Variants in FIP1L1 observed in about 807,000 individuals in gnomAD.
FIP1L1 encodes the protein factor interacting with PAPOLA and CPSF1.
FIP1L1 carries 21 observed loss-of-function variants against 84.6 expected under a neutral mutation model. The observed-to-expected ratio is 0.25, with a 90% CI of 0.18 to 0.36. The LOEUF (loss-of-function observed/expected upper bound fraction) is 0.36, where lower values mean the gene tolerates loss of function less well. Ranked by LOEUF, FIP1L1 falls within the 10% of genes least tolerant of loss-of-function variation. The probability of loss-of-function intolerance (pLI) is 1.00; values close to 1 mark genes in which losing one functional copy is unlikely to be tolerated. For missense variants in FIP1L1, 526 were observed against 751.1 expected, an observed-to-expected ratio of 0.70 and a Z score of 3.50; for synonymous variants, 263 against 242.3, an observed-to-expected ratio of 1.09 and a Z score of -0.80.
intron 5 of FIP1L1, among the ~76,000 whole-genome samples, chr4:53,388,611 A>G (rs1343509233): frequency 6.6e-6 from 1 of 152,218 alleles, no homozygotes; most frequent in African/African-American, 2.4e-5. Context: ...CTGGGATTAC[A>G]GGCGTGAGCC....
In FIP1L1 at chr4:53,428,200, A is replaced by G. The variant is rs1765083315; in HGVS notation, c.1174+17A>G. 1.3e-6 allele frequency: 2 copies of G among 1,510,366 alleles called. No homozygotes were observed. The highest frequency in any genetic ancestry group is 1.8e-6 in the Non-Finnish European group (2 of 1,122,606). 93.6% of individuals were successfully genotyped at this position (1,510,366 alleles called of 1,614,324 possible). A position where few individuals can be genotyped will look rare whatever the true frequency, so the allele number is the denominator to read the frequency against. On this transcript the variant is annotated intron_variant, in intron 13 of 17. Coordinates refer to ENST00000337488, the MANE Select transcript of FIP1L1 (RefSeq NM_030917.4). Reference sequence around the variant, plus strand: ...CACCACCGGGTAAATAGTAAATAAGACATTTGACTTTGAAAGAAAAATAGC... The same window carrying G: ...CACCACCGGGTAAATAGTAAATAAGGCATTTGACTTTGAAAGAAAAATAGC...
intron 5 of FIP1L1, among the ~76,000 whole-genome samples, chr4:53,388,257 T>C (rs1249433765): frequency 6.6e-6 from 1 of 152,132 alleles, no homozygotes; most frequent in Non-Finnish European, 1.5e-5. Context: ...GCTGAAGTTC[T>C]GAGAGAAAAG....
In FIP1L1 at chr4:53,427,033, A is replaced by G. The variant is rs553687969; in HGVS notation, c.1018-994A>G. On this transcript the variant is annotated intron_variant, in intron 12 of 17. Coordinates refer to ENST00000337488, the MANE Select transcript of FIP1L1 (RefSeq NM_030917.4). ...GATCATGTAAAATATTCCTTTTAGC[A>G]TCTTTAAAGGCAAATCATTTCTATA... is the stretch of plus-strand genomic sequence containing the variant. 4.6e-5 allele frequency among the ~76,000 whole-genome samples: 7 copies of G among 152,246 alleles called. No individual in the cohort carries two copies. In the East Asian group the frequency reaches 9.6e-4, roughly 21 times the overall value.
At position 53,383,896 on chromosome 4, in the gene FIP1L1, GTAAC is replaced by G; in HGVS notation, c.332+21_332+24del. ...GTATGGGTAAGTTATTTTTTAGTAA[GTAAC>G]AATTGTGTAAATGCTATATAGTAAG... On this transcript the variant is annotated intron_variant, in intron 5 of 17. Coordinates refer to ENST00000337488, the MANE Select transcript of FIP1L1 (RefSeq NM_030917.4). 1 of 1,606,014 alleles carries G rather than the reference GTAAC, an allele frequency of 6.2e-7. No homozygotes were observed. Among genetic ancestry groups the G allele is most frequent in the Non-Finnish European group, 8.5e-7 (1 of 1,176,448 alleles).
intron 16 of FIP1L1, among the ~76,000 whole-genome samples, chr4:53,454,434 G>C (rs1212770916): frequency 6.6e-6 from 1 of 152,160 alleles, no homozygotes; most frequent in African/African-American, 2.4e-5. Context: ...ACTGACACTT[G>C]ACTGTATACA....
At chr4:53,379,011 T>C (rs903105593) in intron 1 of FIP1L1, 62 bp from the exon 2 acceptor site, 20 of 1,520,360 alleles carry the variant, frequency 1.3e-5, no homozygotes, top group African/African-American at 4.2e-5. Flanking sequence ...GATTTTTTTT[T>C]CCATAAAATA....
intron 16 of FIP1L1, among the ~76,000 whole-genome samples, chr4:53,455,969 G>C (rs1718700002): frequency 6.6e-6 from 1 of 152,064 alleles, no homozygotes; most frequent in Non-Finnish European, 1.5e-5. Flanking sequence ...TATATGATTT[G>C]TGTTTGCTTG....
At chr4:53,432,138 G>A (rs1170647796) in intron 13 of FIP1L1, among the ~76,000 whole-genome samples, 1 of 152,096 alleles carries the variant, frequency 6.6e-6, no homozygotes, top group African/African-American at 2.4e-5. Context: ...GCTCATACCT[G>A]TAATTTCAGC....
At chr4:53,458,815 A>T in intron 17 of FIP1L1, 25 bp downstream of exon 17, 1 of 1,603,596 alleles carries the variant, frequency 6.2e-7, no homozygotes, top group Non-Finnish European at 8.5e-7. Flanking sequence ...AAAATAGTGA[A>T]CCAATAGTAT....
intron 10 of FIP1L1, among the ~76,000 whole-genome samples, chr4:53,410,667 C>T (rs560740292): frequency 1.8e-4 from 28 of 151,944 alleles, no homozygotes; most frequent in Non-Finnish European, 2.4e-4. Flanking sequence ...AGAAATAAAA[C>T]GAGAAATGCC....
At chr4:53,416,242 T>C (rs1218978422) in intron 11 of FIP1L1, among the ~76,000 whole-genome samples, 1 of 152,210 alleles carries the variant, frequency 6.6e-6, no homozygotes, top group Non-Finnish European at 1.5e-5. Context: ...ATGGACAGCC[T>C]ATTTACTGAA....
chr4:53,459,738 C>A lies in FIP1L1; in HGVS notation c.*289C>A. On this transcript the variant is annotated 3_prime_UTR_variant, in exon 18 of 18. Coordinates refer to ENST00000337488, the MANE Select transcript of FIP1L1 (RefSeq NM_030917.4). ...AAGAGCTGTGTTAGCTGTGTACATA[C>A]ACAGATTATCTGAGAAAAGGTCAAG... The A allele has an allele frequency of 2.6e-6, 1 of 377,610 alleles. No homozygotes were observed. The highest frequency in any genetic ancestry group is 4.8e-6 in the Non-Finnish European group (1 of 207,360). 23.4% of individuals were successfully genotyped at this position (377,610 alleles called of 1,614,324 possible). A position where few individuals can be genotyped will look rare whatever the true frequency, so the allele number is the denominator to read the frequency against.
intron 1 of FIP1L1, chr4:53,378,732 A>C (rs575551549): frequency 8.0e-6 from 2 of 251,120 alleles, no homozygotes; most frequent in Admixed American, 5.3e-5. Flanking sequence ...TTGCTTGTTA[A>C]CACCAGATTT....
Position 53,419,117 on chromosome 4 carries a change from G to A in FIP1L1, c.923+4395G>A, listed in dbSNP as rs1428891399. Among the ~76,000 whole-genome samples, 7 of 152,118 alleles carry A rather than the reference G, an allele frequency of 4.6e-5. No homozygotes were observed. The South Asian group carries it at 1.5e-3, about 32-fold the overall frequency. On this transcript the variant is annotated intron_variant, in intron 11 of 17. Transcript: ENST00000337488. The stretch of plus-strand genomic sequence containing the variant: ...AAAGCATGAAATTAAGCATAAATAT[G>A]GAAGGTAGAGCTTTATTCCAAGCTC...
chr4:53,420,197 CAAAA>C (rs1166566869), intron 11 of FIP1L1, among the ~76,000 whole-genome samples: 4 of 17,544 alleles, frequency 2.3e-4, no homozygotes, highest in East Asian at 3.5e-3. Flanking sequence ...GACTCCGTCT[CAAAA>C]AAAAAAAAAA....
In FIP1L1 at chr4:53,446,170, T is replaced by G. The variant is rs575525512; in HGVS notation, c.1285+2067T>G. On this transcript the variant is annotated intron_variant, in intron 15 of 17. Transcript: ENST00000337488. Reference sequence around the variant, plus strand: ...TGGTATTTATGTTGACTTACTTGTTTCAATGACTATGTTTCTTCCCCTTCT... The same window carrying G: ...TGGTATTTATGTTGACTTACTTGTTGCAATGACTATGTTTCTTCCCCTTCT... 9.9e-5 allele frequency among the ~76,000 whole-genome samples: 15 copies of G among 151,022 alleles called. No homozygotes were observed. The South Asian group carries it at 1.3e-3, about 13-fold the overall frequency.
chr4:53,448,414 A>G lies in FIP1L1; in HGVS notation c.1285+4311A>G, dbSNP rs540094268. ...TCTGATATCTAGTGCATCAAAATCAATTGTTGCTTTTACATATGTATTTTA... is the reference window on the plus strand; with the variant it reads ...TCTGATATCTAGTGCATCAAAATCAGTTGTTGCTTTTACATATGTATTTTA... On this transcript the variant is annotated intron_variant, in intron 15 of 17. Transcript: ENST00000337488. Among the ~76,000 whole-genome samples, 4 of 152,176 alleles carry G rather than the reference A, an allele frequency of 2.6e-5. No individual in the cohort carries two copies. The South Asian group carries it at 6.2e-4, about 24-fold the overall frequency.
rs890777216 is a variant in FIP1L1 at position 53,460,566 on chromosome 4, A to C, written c.*1117A>C. 25 of 229,050 alleles carry C rather than the reference A, an allele frequency of 1.1e-4. No individual in the cohort carries two copies. The highest frequency in any genetic ancestry group is 5.2e-4 in the Admixed American group (9 of 17,470). 14.2% of individuals were successfully genotyped at this position (229,050 alleles called of 1,614,324 possible). A position where few individuals can be genotyped will look rare whatever the true frequency, so the allele number is the denominator to read the frequency against. On this transcript the variant is annotated 3_prime_UTR_variant, in exon 18 of 18. Transcript: ENST00000337488. Reference sequence around the variant, plus strand: ...AAAATGGCCATAATGTACCCTTGGCAGACTTCAGCATATACCAAATTTTAA... The same window carrying C: ...AAAATGGCCATAATGTACCCTTGGCCGACTTCAGCATATACCAAATTTTAA...
intron 9 of FIP1L1, among the ~76,000 whole-genome samples, chr4:53,397,444 C>T (rs1300061435): frequency 6.6e-6 from 1 of 152,170 alleles, no homozygotes; most frequent in African/African-American, 2.4e-5. Context: ...GAATGGTACT[C>T]ATGAATGGAG....
Sources: gnomAD v4.1 joint callset for allele counts (sites outside exome capture counted in the v4.1 genomes callset) on GRCh38, gnomAD v4.1.1 for gene constraint, MANE v1.5 for transcripts, NCBI Gene and HGNC (gene_info 2026-07-23, HGNC 2026-07-21) for gene names.